Variants in RAPGEF6 observed in about 807,000 individuals in gnomAD.
RAPGEF6 encodes the protein PDZ domain containing guanine nucleotide exchange factor (GEF) 2.
A neutral mutation model predicts 171.4 loss-of-function variants in RAPGEF6; 56 were observed. The observed-to-expected ratio is 0.33, with a 90% CI of 0.26 to 0.41. The LOEUF (loss-of-function observed/expected upper bound fraction) is 0.41, where lower values mean the gene tolerates loss of function less well. RAPGEF6 is among the 10% of genes least tolerant of loss of function. The pLI, the probability that RAPGEF6 is intolerant of heterozygous loss-of-function variation, is 1.00. For missense variants in RAPGEF6, 1,674 were observed against 1,921.4 expected (o/e 0.87, Z 2.41); for synonymous variants, 692 against 650.1 (o/e 1.06, Z -0.98).
chr5:131,498,392 A>G, intron 12 of RAPGEF6, 51 bp downstream of exon 12: 1 of 1,507,092 alleles, frequency 6.6e-7, no homozygotes, highest in Non-Finnish European at 9.0e-7. Context: ...TAAAAGTTTC[A>G]TGAATAAAAT....
At chr5:131,594,687 G>A (rs1039106066) in intron 3 of RAPGEF6, among the ~76,000 whole-genome samples, 6 of 152,356 alleles carry the variant, frequency 3.9e-5, no homozygotes, top group Admixed American at 1.3e-4. Context: ...AGAGCCACAG[G>A]GGCAGAGCTG....
chr5:131,521,303 GAT>G (rs1278400143), intron 7 of RAPGEF6, 85 bp downstream of exon 7: 4 of 1,316,790 alleles, frequency 3.0e-6, no homozygotes, highest in Non-Finnish European at 4.1e-6. Context: ...TACTCTAAAA[GAT>G]ATGTTAACCA....
intron 27 of RAPGEF6, among the ~76,000 whole-genome samples, chr5:131,428,549 C>T (rs1221304724): frequency 3.9e-5 from 6 of 151,940 alleles, no homozygotes. Context: ...CAATCTCTGC[C>T]TCCCAGGTTC....
At chr5:131,547,281 C>T (rs1184245222) in intron 6 of RAPGEF6, among the ~76,000 whole-genome samples, 1 of 152,138 alleles carries the variant, frequency 6.6e-6, no homozygotes, top group African/African-American at 2.4e-5. Flanking sequence ...CTATATTCAA[C>T]CATCCTTTTT....
At chr5:131,448,664 G>A (rs147218643) in intron 21 of RAPGEF6, among the ~76,000 whole-genome samples, 51 of 152,164 alleles carry the variant, frequency 3.4e-4, no homozygotes, top group African/African-American at 1.2e-3. Context: ...GATAAACGTC[G>A]ATAAAATGTT....
At chr5:131,599,019 A>C (rs1314561165) in intron 3 of RAPGEF6, among the ~76,000 whole-genome samples, 3 of 152,156 alleles carry the variant, frequency 2.0e-5, no homozygotes, top group African/African-American at 7.2e-5. Flanking sequence ...ATATCAAAAC[A>C]CACAGCTTAG....
chr5:131,573,645 C>T (rs545168216), intron 4 of RAPGEF6, among the ~76,000 whole-genome samples: 7 of 151,976 alleles, frequency 4.6e-5, no homozygotes, highest in Non-Finnish European at 8.8e-5. Flanking sequence ...CAATACCAGA[C>T]GGACTCCCCA....
chr5:131,533,329 A>G (rs1759536874), intron 6 of RAPGEF6, among the ~76,000 whole-genome samples: 2 of 152,158 alleles, frequency 1.3e-5, no homozygotes, highest in Non-Finnish European at 2.9e-5. Flanking sequence ...TTAATTCTGT[A>G]CATTGATACA....
chr5:131,526,087 G>A (rs1054979167), intron 6 of RAPGEF6, among the ~76,000 whole-genome samples: 1 of 152,150 alleles, frequency 6.6e-6, no homozygotes, highest in African/African-American at 2.4e-5. Context: ...GAACTCTGCT[G>A]ATGACATAAA....
At chr5:131,449,257 T>G (rs779467829) in intron 21 of RAPGEF6, among the ~76,000 whole-genome samples, 20 of 152,242 alleles carry the variant, frequency 1.3e-4, no homozygotes, top group Non-Finnish European at 2.9e-4. Flanking sequence ...AGTAGAGACC[T>G]AACTCTATAA....
chr5:131,528,687 C>CA (rs1759156545), intron 6 of RAPGEF6, among the ~76,000 whole-genome samples: 1 of 151,730 alleles, frequency 6.6e-6, no homozygotes, highest in African/African-American at 2.4e-5. Flanking sequence ...TAAATTACTA[C>CA]AATTTAGGAG....
chr5:131,431,608 A>C (rs191701609), intron 25 of RAPGEF6, among the ~76,000 whole-genome samples: 11 of 152,130 alleles, frequency 7.2e-5, no homozygotes, highest in African/African-American at 2.7e-4. Flanking sequence ...AAATTTTAAA[A>C]TGTTAGATAT....
intron 14 of RAPGEF6, among the ~76,000 whole-genome samples, chr5:131,492,330 C>T (rs1277175464): frequency 1.3e-5 from 2 of 152,138 alleles, no homozygotes; most frequent in African/African-American, 4.8e-5. Context: ...CAGGCCCATT[C>T]AAAGGAGGTC....
intron 21 of RAPGEF6, among the ~76,000 whole-genome samples, chr5:131,449,034 A>C (rs1752894725): frequency 6.6e-6 from 1 of 152,156 alleles, no homozygotes; most frequent in Non-Finnish European, 1.5e-5. Context: ...GACTCGAATA[A>C]AGAAGGTGGC....
chr5:131,463,059 G>A (rs932088871), intron 18 of RAPGEF6, among the ~76,000 whole-genome samples: 9 of 152,258 alleles, frequency 5.9e-5, no homozygotes, highest in African/African-American at 2.2e-4. Context: ...TTTTATGGGT[G>A]AGGAAATTCA....
At chr5:131,510,178 T>A in intron 8 of RAPGEF6, 136 bp downstream of exon 8, 1 of 930,576 alleles carries the variant, frequency 1.1e-6, no homozygotes, top group South Asian at 1.8e-5. Context: ...GCTCCTAAAT[T>A]TGACTCACAA....
At chr5:131,602,749 G>A (rs894323926) in intron 3 of RAPGEF6, among the ~76,000 whole-genome samples, 3 of 152,180 alleles carry the variant, frequency 2.0e-5, no homozygotes, top group South Asian at 2.1e-4. Flanking sequence ...CGACAAGTGC[G>A]AAACTCCATC....
At chr5:131,603,813 T>C (rs1764391546) in intron 2 of RAPGEF6, among the ~76,000 whole-genome samples, 1 of 151,982 alleles carries the variant, frequency 6.6e-6, no homozygotes, top group Admixed American at 6.6e-5. Context: ...AGCTGAATTA[T>C]GTTATACAGA....
intron 1 of RAPGEF6, among the ~76,000 whole-genome samples, chr5:131,624,186 C>T (rs989973528): frequency 2.0e-5 from 3 of 152,202 alleles, no homozygotes; most frequent in Admixed American, 6.5e-5. Context: ...ATTTGGTCCA[C>T]ACAAGAATCC....
Sources: gnomAD v4.1 joint callset for allele counts (sites outside exome capture counted in the v4.1 genomes callset) on GRCh38, gnomAD v4.1.1 for gene constraint, MANE v1.5 for transcripts, NCBI Gene and HGNC (gene_info 2026-07-23, HGNC 2026-07-21) for gene names.